The following RALYL variants were observed in gnomAD, a reference collection of about 807,000 sequenced individuals.
The protein encoded by RALYL is RNA-binding Raly-like protein.
In RALYL, 29 loss-of-function variants were observed where a neutral mutation model predicts 35.1. That is an observed-to-expected ratio of 0.83 (90% CI 0.61 to 1.13). The LOEUF (loss-of-function observed/expected upper bound fraction) is 1.13, where lower values mean the gene tolerates loss of function less well. Ranked by LOEUF, RALYL falls within the 50% of genes most tolerant of loss-of-function variation. The probability of loss-of-function intolerance (pLI) is 0.00; values close to 1 mark genes in which losing one functional copy is unlikely to be tolerated. For synonymous variants in RALYL, 120 were observed against 127.6 expected (o/e 0.94, Z 0.40); for missense variants, 359 against 360.4 (o/e 1.00, Z 0.03).
At chr8:84,811,778 AT>A (rs1825966861) in intron 4 of RALYL, among the ~76,000 whole-genome samples, 1 of 152,012 alleles carries the variant, frequency 6.6e-6, no homozygotes, top group Non-Finnish European at 1.5e-5. Context: ...TGAACTTCAA[AT>A]TTCTTTCTTC....
intron 1 of RALYL, among the ~76,000 whole-genome samples, chr8:84,414,837 T>C (rs1198709759): frequency 6.6e-6 from 1 of 152,122 alleles, no homozygotes; most frequent in Non-Finnish European, 1.5e-5. Flanking sequence ...CTTACACAGC[T>C]CAGGAAACAT....
chr8:84,335,709 CTTTTTTTT>C (rs548185561), intron 1 of RALYL, among the ~76,000 whole-genome samples: 1 of 85,216 alleles, frequency 1.2e-5, no homozygotes, highest in African/African-American at 5.8e-5. Flanking sequence ...GTTTTCTTAC[CTTTTTTTT>C]TTTTTTTTTT....
At chr8:84,223,824 T>C (rs1184144221) in intron 1 of RALYL, among the ~76,000 whole-genome samples, 1 of 152,160 alleles carries the variant, frequency 6.6e-6, no homozygotes, top group Admixed American at 6.6e-5. Context: ...TGTGTGAAGA[T>C]CATTAAAGTC....
chr8:84,668,052 C>T (rs1052474339), intron 2 of RALYL, among the ~76,000 whole-genome samples: 1 of 152,072 alleles, frequency 6.6e-6, no homozygotes, highest in African/African-American at 2.4e-5. Flanking sequence ...TTTGCAGGCT[C>T]TTTCTCCATG....
intron 1 of RALYL, among the ~76,000 whole-genome samples, chr8:84,388,483 C>T (rs1237412987): frequency 6.6e-6 from 1 of 152,150 alleles, no homozygotes; most frequent in Non-Finnish European, 1.5e-5. Flanking sequence ...TTCTATTTCT[C>T]CACATCCTCT....
intron 1 of RALYL, among the ~76,000 whole-genome samples, chr8:84,285,756 G>A (rs1195553856): frequency 6.6e-6 from 1 of 152,150 alleles, no homozygotes; most frequent in Admixed American, 6.5e-5. Flanking sequence ...TGTAACTAAT[G>A]AGGAGTAAGC....
chr8:84,755,982 A>G (rs2133290038), intron 2 of RALYL, among the ~76,000 whole-genome samples: 1 of 152,220 alleles, frequency 6.6e-6, no homozygotes, highest in Admixed American at 6.6e-5. Context: ...GGTTAAGCTG[A>G]TCTTTTCCAA....
chr8:84,759,713 T>C (rs752869039), intron 2 of RALYL, among the ~76,000 whole-genome samples: 1 of 152,224 alleles, frequency 6.6e-6, no homozygotes, highest in Non-Finnish European at 1.5e-5. Context: ...ATGAGGGAAA[T>C]AATATTGATG....
intron 2 of RALYL, among the ~76,000 whole-genome samples, chr8:84,621,486 G>A (rs568374899): frequency 3.3e-4 from 50 of 152,126 alleles, no homozygotes; most frequent in African/African-American, 1.0e-3. Context: ...ACTGACCTGC[G>A]CCCACTGTCT....
intron 1 of RALYL, among the ~76,000 whole-genome samples, chr8:84,217,913 T>C (rs552423435): frequency 2.0e-5 from 3 of 152,154 alleles, no homozygotes; most frequent in Admixed American, 6.6e-5. Flanking sequence ...AAAACATACA[T>C]GTGAAATGGC....
At chr8:84,663,283 G>C (rs1363917464) in intron 2 of RALYL, among the ~76,000 whole-genome samples, 1 of 152,126 alleles carries the variant, frequency 6.6e-6, no homozygotes, top group Non-Finnish European at 1.5e-5. Flanking sequence ...GAAAAGTGCT[G>C]CAGTGAACAT....
At chr8:84,189,300 T>C (rs1457424869) in intron 1 of RALYL, among the ~76,000 whole-genome samples, 1 of 152,228 alleles carries the variant, frequency 6.6e-6, no homozygotes, top group Non-Finnish European at 1.5e-5. Flanking sequence ...CTCACTAATA[T>C]GCTTTTTGCT....
At chr8:84,264,614 GA>G (rs1554594630) in intron 1 of RALYL, among the ~76,000 whole-genome samples, 1 of 151,756 alleles carries the variant, frequency 6.6e-6, no homozygotes, top group Non-Finnish European at 1.5e-5. Flanking sequence ...AGTTTAATTA[GA>G]TTTTTTAAAT....
intron 2 of RALYL, among the ~76,000 whole-genome samples, chr8:84,756,748 A>G (rs1305419298): frequency 6.6e-6 from 1 of 151,678 alleles, no homozygotes; most frequent in Non-Finnish European, 1.5e-5. Flanking sequence ...ATGTGAGGCA[A>G]AAGCATTATA....
At chr8:84,783,531 G>T (rs956865946) in intron 3 of RALYL, among the ~76,000 whole-genome samples, 1 of 152,104 alleles carries the variant, frequency 6.6e-6, no homozygotes, top group African/African-American at 2.4e-5. Flanking sequence ...GGTAATTGGG[G>T]TGACCATTTA....
chr8:84,362,414 G>A (rs1853236552), intron 1 of RALYL, among the ~76,000 whole-genome samples: 1 of 152,100 alleles, frequency 6.6e-6, no homozygotes, highest in African/African-American at 2.4e-5. Flanking sequence ...TGTCCCTCTA[G>A]AGCAGGGGTC....
chr8:84,499,444 A>C (rs927860065), intron 1 of RALYL, among the ~76,000 whole-genome samples: 2 of 152,166 alleles, frequency 1.3e-5, no homozygotes, highest in African/African-American at 2.4e-5. Flanking sequence ...AACTGATAAG[A>C]TCTGAAGATT....
At position 84,533,596 on chromosome 8, in the gene RALYL, T is replaced by G. The variant is rs572186082; in HGVS notation, c.256+4019T>G. Among the ~76,000 whole-genome samples the G allele has an allele frequency of 5.3e-5, 8 of 152,250 alleles. No individual in the cohort carries two copies. The South Asian group carries it at 1.7e-3, about 32-fold the overall frequency. On this transcript the variant is annotated intron_variant, in intron 2 of 8. Transcript: ENST00000521268. ...GTAGGAGGAACCAAACACTGAAAAA[T>G]AATTTATCTAGAGCAATCATTTTTG...
intron 1 of RALYL, among the ~76,000 whole-genome samples, chr8:84,239,045 G>A (rs2131542480): frequency 1.3e-5 from 2 of 152,310 alleles, no homozygotes; most frequent in African/African-American, 4.8e-5. Context: ...GACCTGAGAT[G>A]TGCAGCAGCT....
Sources: allele counts gnomAD v4.1 joint callset (sites outside exome capture counted in the v4.1 genomes callset), GRCh38; gene constraint gnomAD v4.1.1; transcripts MANE v1.5; gene names NCBI Gene and HGNC (gene_info 2026-07-23, HGNC 2026-07-21).